ABCG1: variants seen among roughly 807,000 people sequenced by gnomAD.
ABCG1 encodes the protein ATP-binding cassette sub-family G member 1.
Under a neutral mutation model 69.2 loss-of-function variants are expected in ABCG1, and 29 were observed. That is an observed-to-expected ratio of 0.42 (90% CI 0.31 to 0.57). The LOEUF is 0.57. Ranked by LOEUF, ABCG1 falls within the 20% of genes least tolerant of loss-of-function variation. The pLI is 0.15. For missense variants in ABCG1, 718 were observed against 898.1 expected, an observed-to-expected ratio of 0.80 and a Z score of 2.56; for synonymous variants, 370 against 374.8, an observed-to-expected ratio of 0.99 and a Z score of 0.15.
At chr21:42,206,458 A>C (rs2067543528) in intron 2 of ABCG1, among the ~76,000 whole-genome samples, 1 of 152,240 alleles carries the variant, frequency 6.6e-6, no homozygotes, top group Non-Finnish European at 1.5e-5. Flanking sequence ...TCTGTGGCCC[A>C]GAATATGGTC....
intron 2 of ABCG1, among the ~76,000 whole-genome samples, chr21:42,239,998 G>T (rs1407843284): frequency 6.6e-6 from 1 of 152,208 alleles, no homozygotes; most frequent in South Asian, 2.1e-4. Context: ...CCCAGAAAGG[G>T]AGCATGGTGT....
At chr21:42,282,100 G>A (rs1306934309) in intron 5 of ABCG1, among the ~76,000 whole-genome samples, 174 bp from the exon 6 acceptor site, 1 of 152,248 alleles carries the variant, frequency 6.6e-6, no homozygotes, top group Non-Finnish European at 1.5e-5. Flanking sequence ...AATGGCACCT[G>A]CCCCACTTGG....
At chr21:42,260,457 G>A (rs1266870930) in intron 2 of ABCG1, among the ~76,000 whole-genome samples, 1 of 152,298 alleles carries the variant, frequency 6.6e-6, no homozygotes, top group South Asian at 2.1e-4. Flanking sequence ...TTCTTTTGAA[G>A]TTGAAAAGAT....
rs201062942 is a variant in ABCG1, at chr21:42,284,690, G to A, written c.858+7G>A. On this transcript the variant is annotated splice_region_variant and intron_variant, in intron 7 of 14. Coordinates refer to ENST00000398449, the MANE Select transcript of ABCG1 (RefSeq NM_016818.3). ...CTTCGAGCTGTTCGACCAGGTACGC[G>A]GGCCCCGGGCCCTCCCCGCCAGATT... 81 of 1,611,690 alleles carry A rather than the reference G, an allele frequency of 5.0e-5. 1 individual carries two copies. The highest frequency in any genetic ancestry group is 4.9e-4 in the South Asian group (45 of 91,068).
chr21:42,210,953 T>TTTCTTC (rs1232927102), intron 2 of ABCG1, among the ~76,000 whole-genome samples: 2 of 150,302 alleles, frequency 1.3e-5, no homozygotes, highest in Admixed American at 6.6e-5. Flanking sequence ...TTCTCATTTC[T>TTTCTTC]TTCTTCTTTT....
chr21:42,261,144 TTTC>T (rs2068404127), intron 2 of ABCG1, among the ~76,000 whole-genome samples: 1 of 152,036 alleles, frequency 6.6e-6, no homozygotes, highest in Non-Finnish European at 1.5e-5. Context: ...TTCTACCCTC[TTTC>T]TTCTTCTAGT....
rs1471972417 is a variant in ABCG1, at chr21:42,284,700, C to A, written c.858+17C>A. The A allele has an allele frequency of 6.2e-7, 1 of 1,610,388 alleles. No homozygotes were observed. The highest frequency in any genetic ancestry group is 1.1e-5 in the South Asian group (1 of 91,062). On this transcript the variant is annotated intron_variant, in intron 7 of 14. Coordinates refer to ENST00000398449, the MANE Select transcript of ABCG1 (RefSeq NM_016818.3). ...TTCGACCAGGTACGCGGGCCCCGGG[C>A]CCTCCCCGCCAGATTACCACTGCAC...
In ABCG1 at chr21:42,288,387, T is replaced by A; in HGVS notation, c.1224+75T>A. On this transcript the variant is annotated intron_variant, in intron 10 of 14. Coordinates refer to ENST00000398449, the MANE Select transcript of ABCG1 (RefSeq NM_016818.3). This position sits in a 1 kb window ranked among gnomAD's most constrained non-coding sequence, Gnocchi z 4.8. ...TTCTCAGACTCGTCCTGACGGAATG[T>A]GTTCGTTCATTCTCACATTGCTATA... 9.1e-7 allele frequency: 1 copy of A among 1,100,974 alleles called. No individual in the cohort carries two copies. Among genetic ancestry groups the A allele is most frequent in the Non-Finnish European group, 1.4e-6 (1 of 738,200 alleles). The allele number at this position is 1,100,974 out of a possible 1,614,324, so 68.2% of individuals were successfully genotyped here.
intron 2 of ABCG1, among the ~76,000 whole-genome samples, chr21:42,229,409 G>C (rs1482992411): frequency 6.6e-6 from 1 of 152,222 alleles, no homozygotes; most frequent in Non-Finnish European, 1.5e-5. Context: ...AAGGTAAGAA[G>C]TGAAGCAGTT....
At chr21:42,209,977 A>G (rs1035183127) in intron 2 of ABCG1, among the ~76,000 whole-genome samples, 2 of 152,146 alleles carry the variant, frequency 1.3e-5, no homozygotes, top group Non-Finnish European at 2.9e-5. Flanking sequence ...AATGATGGAC[A>G]ATGGGTGTGA....
intron 2 of ABCG1, among the ~76,000 whole-genome samples, chr21:42,269,601 C>A (rs1466718517): frequency 6.6e-6 from 1 of 152,242 alleles, no homozygotes; most frequent in African/African-American, 2.4e-5. Context: ...GCGACAACCG[C>A]CCTGTCTGTA....
chr21:42,249,904 C>T (rs1324947329), intron 2 of ABCG1, among the ~76,000 whole-genome samples: 1 of 151,668 alleles, frequency 6.6e-6, no homozygotes, highest in Non-Finnish European at 1.5e-5. Context: ...ACTTGGGAGG[C>T]TGAGGCAGGA....
Position 42,219,342 on chromosome 21 carries a change from TA to T in ABCG1, c.42+39del. The T allele has an allele frequency of 6.3e-7, 1 of 1,590,884 alleles. No individual in the cohort carries two copies. Among genetic ancestry groups the T allele is most frequent in the Non-Finnish European group, 8.5e-7 (1 of 1,172,590 alleles). ...ATCCTTCGTCCGCCGGGAACGGTTT[TA>T]TTTTCAAGGAGAGCAGGAAACACAC... On this transcript the variant is annotated intron_variant, in intron 1 of 14. Coordinates refer to ENST00000398449, the MANE Select transcript of ABCG1 (RefSeq NM_016818.3). This position sits in a 1 kb window ranked among gnomAD's most constrained non-coding sequence, Gnocchi z 5.3.
chr21:42,208,137 A>G (rs1432266421), intron 2 of ABCG1, among the ~76,000 whole-genome samples: 1 of 152,100 alleles, frequency 6.6e-6, no homozygotes, highest in Non-Finnish European at 1.5e-5. Flanking sequence ...TGGTTGAAGC[A>G]GAGAAGTTAT....
intron 2 of ABCG1, among the ~76,000 whole-genome samples, chr21:42,263,571 C>T (rs746360309): frequency 3.3e-5 from 5 of 152,194 alleles, no homozygotes; most frequent in Non-Finnish European, 4.4e-5. Context: ...GCGACATTTA[C>T]AGCAAAATGT....
At chr21:42,286,057 C>A in intron 8 of ABCG1, 63 bp downstream of exon 8, 1 of 1,151,766 alleles carries the variant, frequency 8.7e-7, no homozygotes, top group Non-Finnish European at 1.3e-6. Context: ...GTGGGTCTCA[C>A]TTTTAGCTGA....
chr21:42,201,628 C>G (rs752735062), exon 2 of ABCG1: 2 of 1,583,390 alleles, frequency 1.3e-6, no homozygotes, highest in Admixed American at 3.7e-5. Context: ...CAGCCCCGTG[C>G]TCAGCAGACA....
intron 1 of ABCG1, among the ~76,000 whole-genome samples, chr21:42,224,490 G>A (rs1370573397): frequency 6.6e-6 from 1 of 152,182 alleles, no homozygotes; most frequent in Non-Finnish European, 1.5e-5. Context: ...ACCCACTTAC[G>A]CTGGCATCCA....
chr21:42,249,482 T>G (rs2068185480), intron 2 of ABCG1, among the ~76,000 whole-genome samples: 1 of 152,190 alleles, frequency 6.6e-6, no homozygotes, highest in African/African-American at 2.4e-5. Flanking sequence ...GTGCCTCAGT[T>G]TTCTCATCTG....
Sources: gnomAD v4.1 joint callset for allele counts (sites outside exome capture counted in the v4.1 genomes callset) on GRCh38, gnomAD v4.1.1 for gene constraint, Gnocchi (gnomAD v3.1) non-coding constraint, MANE v1.5 for transcripts, NCBI Gene and HGNC (gene_info 2026-07-23, HGNC 2026-07-21) for gene names.